ALMS1: variants seen among roughly 807,000 people sequenced by gnomAD.
ALMS1 encodes the protein ALMS1 centrosome and basal body associated protein, also known as centrosome-associated protein ALMS1.
A neutral mutation model predicts 352.2 loss-of-function variants in ALMS1; 271 were observed. The ratio of observed to expected loss-of-function variants is 0.77; its 90% CI spans 0.70 to 0.85. The LOEUF (loss-of-function observed/expected upper bound fraction) is 0.85, where lower values mean the gene tolerates loss of function less well. ALMS1 is among the 40% of genes least tolerant of loss of function. The pLI is 0.00. For synonymous variants in ALMS1, 1,865 were observed against 1,761.2 expected (o/e 1.06, Z -1.48); for missense variants, 5,445 against 4,870.7 (o/e 1.12, Z -3.51).
At chr2:73,529,443 G>GT (rs1242208337) in intron 11 of ALMS1, among the ~76,000 whole-genome samples, 1 of 152,200 alleles carries the variant, frequency 6.6e-6, no homozygotes, top group African/African-American at 2.4e-5. Context: ...GTGAGGTCAT[G>GT]TTTTCATAGA....
chr2:73,432,633 G>C (rs1353445316), intron 7 of ALMS1, among the ~76,000 whole-genome samples: 1 of 151,044 alleles, frequency 6.6e-6, no homozygotes, highest in Non-Finnish European at 1.5e-5. Flanking sequence ...GGGTCTCTCT[G>C]GAGTCGTTTT....
chr2:73,495,525 C>G (rs1673085846), intron 10 of ALMS1, among the ~76,000 whole-genome samples: 1 of 152,118 alleles, frequency 6.6e-6, no homozygotes, highest in Admixed American at 6.5e-5. Context: ...CGTGAGCCAC[C>G]ATGCCCAGCC....
intron 11 of ALMS1, among the ~76,000 whole-genome samples, chr2:73,530,199 GC>G: frequency 6.6e-6 from 1 of 152,290 alleles, no homozygotes; most frequent in South Asian, 2.1e-4. Flanking sequence ...GTGAGACAAG[GC>G]AGGTAGGTCC....
At chr2:73,430,606 A>G (rs1310504472) in intron 6 of ALMS1, among the ~76,000 whole-genome samples, 1 of 152,234 alleles carries the variant, frequency 6.6e-6, no homozygotes, top group Admixed American at 6.5e-5. Flanking sequence ...TGGTAGTCCC[A>G]TAAGATTAAA....
At chr2:73,561,505 C>T (rs747510654) in intron 15 of ALMS1, among the ~76,000 whole-genome samples, 2 of 152,026 alleles carry the variant, frequency 1.3e-5, no homozygotes, top group African/African-American at 2.4e-5. Flanking sequence ...TTTCCCACCT[C>T]AGTATGAAAT....
At chr2:73,488,068 C>T (rs1672892711) in intron 9 of ALMS1, among the ~76,000 whole-genome samples, 7 of 152,208 alleles carry the variant, frequency 4.6e-5, no homozygotes. Context: ...GCGAAACTGG[C>T]AGCCCTTCAA....
In ALMS1 at chr2:73,419,184, C is replaced by G; in HGVS notation, c.512C>G (p.Ser171Cys). The change falls in exon 3 of 23, where the codon TCC (serine) becomes TGC (cysteine). Residue 171 changes from serine (S) to cysteine (C), a missense_variant. Coordinates refer to ENST00000613296, the MANE Select transcript of ALMS1 (RefSeq NM_001378454.1). ...EMDSSQTLDT[S>C]QTRFNVRTED... ...GACTCTTCCCAAACCTTGGATACAT[C>G]CCAGACTAGGTTTAATGTGAGAACG... 6.2e-7 allele frequency: 1 copy of G among 1,614,012 alleles called. No homozygotes were observed. Among genetic ancestry groups the G allele is most frequent in the Non-Finnish European group, 8.5e-7 (1 of 1,179,912 alleles).
intron 2 of ALMS1, among the ~76,000 whole-genome samples, chr2:73,413,483 TG>T (rs1022651494): frequency 6.6e-6 from 1 of 152,166 alleles, no homozygotes; most frequent in African/African-American, 2.4e-5. Context: ...TTCTTCATAG[TG>T]GGGGTCTGTC....
Position 73,386,005 on chromosome 2 carries a change from T to C in ALMS1, c.137T>C (p.Val46Ala), listed in dbSNP as rs894068220. The C allele has an allele frequency of 1.3e-6, 2 of 1,546,248 alleles. No individual in the cohort carries two copies. Among genetic ancestry groups the C allele is most frequent in the Admixed American group, 3.9e-5 (2 of 50,718 alleles). The change falls in exon 1 of 23, where the codon GTG (valine) becomes GCG (alanine). Residue 46 changes from valine (V) to alanine (A), a missense_variant. Physicochemically the swap from Val to Ala is moderately conservative, Grantham distance 64 (BLOSUM62 0). Coordinates refer to ENST00000613296, the MANE Select transcript of ALMS1 (RefSeq NM_001378454.1). ...GACGACGTAGTGGTCGTGGAGGAGG[T>C]GGAGGAAGAGGCGGGGCGGGAGTTG... The part of the protein sequence containing the change: ...NVDDVVVVEE[V>A]EEEAGRELDS...
intron 10 of ALMS1, among the ~76,000 whole-genome samples, chr2:73,495,798 C>G (rs114534317): frequency 6.6e-6 from 1 of 152,046 alleles, no homozygotes; most frequent in African/African-American, 2.4e-5. Context: ...CTAGCCTTTC[C>G]CCTTTCTTTA....
At chr2:73,502,163 T>C (rs1217376144) in intron 10 of ALMS1, among the ~76,000 whole-genome samples, 1 of 152,122 alleles carries the variant, frequency 6.6e-6, no homozygotes, top group Non-Finnish European at 1.5e-5. Context: ...TCATGCCTAC[T>C]GTGGGATGTT....
chr2:73,474,397 G>C (rs1325454089), intron 9 of ALMS1, among the ~76,000 whole-genome samples: 10 of 67,412 alleles, frequency 1.5e-4, no homozygotes, highest in African/African-American at 2.9e-4. Context: ...GTGTGTGTGT[G>C]TGTGTGTGTG....
At chr2:73,440,534 G>A (rs972335298) in intron 7 of ALMS1, among the ~76,000 whole-genome samples, 3 of 151,532 alleles carry the variant, frequency 2.0e-5, no homozygotes, top group African/African-American at 7.3e-5. Flanking sequence ...GGCAATTCTC[G>A]TGTCTCAGCC....
intron 15 of ALMS1, among the ~76,000 whole-genome samples, chr2:73,563,498 G>A (rs1239319300): frequency 2.0e-5 from 3 of 151,944 alleles, no homozygotes; most frequent in Non-Finnish European, 2.9e-5. Context: ...TGAGGCGGGC[G>A]GATTAAGAGG....
At chr2:73,555,715 C>T (rs1674526832) in intron 13 of ALMS1, among the ~76,000 whole-genome samples, 1 of 152,174 alleles carries the variant, frequency 6.6e-6, no homozygotes, top group Non-Finnish European at 1.5e-5. Flanking sequence ...AAAGACATTT[C>T]ACAGGAATGT....
intron 10 of ALMS1, among the ~76,000 whole-genome samples, chr2:73,494,160 G>T (rs977334728): frequency 2.0e-5 from 3 of 152,164 alleles, no homozygotes; most frequent in Non-Finnish European, 4.4e-5. Flanking sequence ...GCAAGAGAGG[G>T]TGCCCAAAAC....
At chr2:73,396,587 G>A (rs1426365741) in intron 1 of ALMS1, among the ~76,000 whole-genome samples, 1 of 99,012 alleles carries the variant, frequency 1.0e-5, no homozygotes, top group Admixed American at 1.3e-4. Context: ...ATGGGGCATA[G>A]TATTTTAATT....
intron 15 of ALMS1, among the ~76,000 whole-genome samples, chr2:73,563,833 G>A (rs1674720858): frequency 1.3e-5 from 2 of 151,884 alleles, no homozygotes. Flanking sequence ...ATTGGACGGT[G>A]GAATTTGCTT....
intron 12 of ALMS1, among the ~76,000 whole-genome samples, chr2:73,548,954 A>G (rs1171970009): frequency 1.3e-5 from 2 of 152,220 alleles, no homozygotes; most frequent in Non-Finnish European, 2.9e-5. Context: ...GTGATGTTAC[A>G]GAAGTTGAGA....
Sources: gnomAD v4.1 joint callset for allele counts (sites outside exome capture counted in the v4.1 genomes callset) on GRCh38, gnomAD v4.1.1 for gene constraint, MANE v1.5 for transcripts, NCBI Gene and HGNC (gene_info 2026-07-23, HGNC 2026-07-21) for gene names.